Variants in DLGAP1 observed in about 807,000 individuals in gnomAD.
DLGAP1 encodes the protein DLG associated protein 1, also known as disks large-associated protein 1.
Under a neutral mutation model 90.8 loss-of-function variants are expected in DLGAP1, and 11 were observed. The observed-to-expected ratio is 0.12, with a 90% CI of 0.08 to 0.20. The LOEUF is 0.20. Ranked by LOEUF, DLGAP1 falls within the 10% of genes least tolerant of loss-of-function variation. The pLI is 1.00. For missense variants in DLGAP1, 1,050 were observed against 1,333.8 expected (o/e 0.79, Z 3.31); for synonymous variants, 558 against 540.7 (o/e 1.03, Z -0.44).
At chr18:4,320,372 A>T (rs1373242054) in intron 1 of DLGAP1, among the ~76,000 whole-genome samples, 1 of 152,208 alleles carries the variant, frequency 6.6e-6, no homozygotes, top group Non-Finnish European at 1.5e-5. Flanking sequence ...AGTTATTTGA[A>T]TTAAATATAT....
intron 3 of DLGAP1, among the ~76,000 whole-genome samples, chr18:3,882,193 A>C (rs944667059): frequency 6.6e-6 from 1 of 152,136 alleles, no homozygotes; most frequent in African/African-American, 2.4e-5. Flanking sequence ...GACTAGGCTA[A>C]TTTGAGGATC....
At chr18:4,388,196 G>T (rs907400860) in intron 1 of DLGAP1, among the ~76,000 whole-genome samples, 3 of 152,016 alleles carry the variant, frequency 2.0e-5, no homozygotes, top group Non-Finnish European at 4.4e-5. Flanking sequence ...GCTAAAGAGT[G>T]TTAAGAAATG....
At chr18:4,265,255 A>C (rs1330666494) in intron 1 of DLGAP1, among the ~76,000 whole-genome samples, 1 of 149,836 alleles carries the variant, frequency 6.7e-6, no homozygotes, top group Non-Finnish European at 1.5e-5. Flanking sequence ...TGCAAGCTTC[A>C]CCTCCCAGGT....
intron 7 of DLGAP1, among the ~76,000 whole-genome samples, chr18:3,651,855 C>T (rs2146456389): frequency 6.6e-6 from 1 of 152,168 alleles, no homozygotes; most frequent in South Asian, 2.1e-4. Context: ...CCTGTAATCC[C>T]AGCTACTCGG....
intron 4 of DLGAP1, among the ~76,000 whole-genome samples, chr18:3,844,181 C>T (rs1031165351): frequency 4.6e-5 from 7 of 152,190 alleles, no homozygotes; most frequent in African/African-American, 1.7e-4. Flanking sequence ...CCAATATTTC[C>T]CACATGCTTT....
chr18:4,282,092 A>C (rs2079564778), intron 1 of DLGAP1, among the ~76,000 whole-genome samples: 1 of 152,126 alleles, frequency 6.6e-6, no homozygotes, highest in Non-Finnish European at 1.5e-5. Flanking sequence ...GGGCTGGGTG[A>C]AGGGGCTCAC....
chr18:4,384,475 C>T (rs2082191693), intron 1 of DLGAP1, among the ~76,000 whole-genome samples: 1 of 152,082 alleles, frequency 6.6e-6, no homozygotes, highest in South Asian at 2.1e-4. Context: ...CATTTTCATA[C>T]ACCATATCTT....
At chr18:4,434,888 G>A (rs909216597) in intron 1 of DLGAP1, among the ~76,000 whole-genome samples, 6 of 152,080 alleles carry the variant, frequency 3.9e-5, no homozygotes, top group Admixed American at 2.0e-4. Flanking sequence ...ATAAAACACC[G>A]TGTTATTTAG....
intron 4 of DLGAP1, among the ~76,000 whole-genome samples, chr18:3,816,028 A>G (rs1252028374): frequency 6.6e-6 from 1 of 152,222 alleles, no homozygotes; most frequent in Non-Finnish European, 1.5e-5. Context: ...TTTTGATGTT[A>G]ACTATTTACT....
At chr18:3,841,662 A>C (rs1334980301) in intron 4 of DLGAP1, among the ~76,000 whole-genome samples, 1 of 152,220 alleles carries the variant, frequency 6.6e-6, no homozygotes, top group Non-Finnish European at 1.5e-5. Flanking sequence ...GGGAACAACA[A>C]CACGAAGATT....
At chr18:3,721,574 A>G (rs2061985226) in intron 7 of DLGAP1, 2 of 152,182 alleles carry the variant, frequency 1.3e-5, no homozygotes, top group African/African-American at 4.8e-5. Flanking sequence ...AGGCCATGTC[A>G]ATAATATGTG....
At chr18:4,218,066 G>A (rs1174777902) in intron 1 of DLGAP1, among the ~76,000 whole-genome samples, 2 of 150,140 alleles carry the variant, frequency 1.3e-5, no homozygotes, top group South Asian at 2.1e-4. Context: ...GTCTGTCTAC[G>A]ATTTATTTTT....
At chr18:4,006,430 C>T (rs1209323818) in intron 2 of DLGAP1, among the ~76,000 whole-genome samples, 2 of 152,118 alleles carry the variant, frequency 1.3e-5, no homozygotes, top group Non-Finnish European at 2.9e-5. Context: ...TTCCTTGTCC[C>T]CAAGAAAACT....
At chr18:4,306,460 T>A (rs62088069) in intron 1 of DLGAP1, among the ~76,000 whole-genome samples, 4,167 of 51,420 alleles carry the variant, frequency 0.081, 169 homozygotes, top group African/African-American at 0.22. Context: ...TGTGTGTGTG[T>A]GTGAGAGAGA....
chr18:3,670,084 T>A (rs2060035029), intron 7 of DLGAP1, among the ~76,000 whole-genome samples: 1 of 151,992 alleles, frequency 6.6e-6, no homozygotes, highest in Non-Finnish European at 1.5e-5. Context: ...AGGAAAAGAG[T>A]ATATTGTTTT....
At position 3,752,866 on chromosome 18, in the gene DLGAP1, C is replaced by T. The variant is rs1485650965; in HGVS notation, c.1173-10354G>A. Among the ~76,000 whole-genome samples, 3 of 152,022 alleles carry T rather than the reference C, an allele frequency of 2.0e-5. No individual in the cohort carries two copies. In the East Asian group the frequency reaches 5.8e-4, roughly 29 times the overall value. On this transcript the variant is annotated intron_variant, in intron 5 of 12. Transcript: ENST00000315677. ...TTGTAGCATGTATCAGTACTTCATTCCTTTGTATAGCTGAATAATATTGCA... is the reference window on the plus strand; with the variant it reads ...TTGTAGCATGTATCAGTACTTCATTTCTTTGTATAGCTGAATAATATTGCA...
intron 1 of DLGAP1, among the ~76,000 whole-genome samples, chr18:4,333,268 T>C (rs746253543): frequency 6.6e-6 from 1 of 150,896 alleles, no homozygotes; most frequent in Non-Finnish European, 1.5e-5. Flanking sequence ...CTTACAGGTT[T>C]ACGGCAGTTG....
chr18:3,614,118 C>A (rs967591938), intron 7 of DLGAP1, among the ~76,000 whole-genome samples: 6 of 152,088 alleles, frequency 3.9e-5, no homozygotes, highest in Non-Finnish European at 7.4e-5. Flanking sequence ...GACAGTTTCA[C>A]CACATTGACC....
intron 1 of DLGAP1, among the ~76,000 whole-genome samples, chr18:4,446,099 G>A (rs1328059204): frequency 3.3e-5 from 5 of 152,132 alleles, no homozygotes; most frequent in Non-Finnish European, 7.3e-5. Flanking sequence ...CTGACAAACA[G>A]GAGTGGTCAT....
Sources: gnomAD v4.1 joint callset for allele counts (sites outside exome capture counted in the v4.1 genomes callset) on GRCh38, gnomAD v4.1.1 for gene constraint, MANE v1.5 for transcripts, NCBI Gene and HGNC (gene_info 2026-07-23, HGNC 2026-07-21) for gene names.